The following LRRC4C variants were observed in gnomAD, a reference collection of about 807,000 sequenced individuals.
The protein encoded by LRRC4C is leucine rich repeat containing 4C.
In LRRC4C, 5 loss-of-function variants were observed where a neutral mutation model predicts 33.6. The ratio of observed to expected loss-of-function variants is 0.15; its 90% CI spans 0.08 to 0.31. The LOEUF is 0.31. Among genes scored for constraint, LRRC4C ranks in the 10% least tolerant of loss-of-function variants. The pLI, the probability that LRRC4C is intolerant of heterozygous loss-of-function variation, is 1.00. For synonymous variants in LRRC4C, 329 were observed against 302.0 expected (o/e 1.09, Z -0.93); for missense variants, 560 against 796.7 (o/e 0.70, Z 3.58).
intron 2 of LRRC4C, among the ~76,000 whole-genome samples, chr11:40,675,104 G>A (rs1186405081): frequency 6.6e-6 from 1 of 152,000 alleles, no homozygotes; most frequent in Non-Finnish European, 1.5e-5. Flanking sequence ...TGACAAGGTA[G>A]GTTTACTATA....
rs115088945 is a variant in LRRC4C at position 40,634,817 on chromosome 11, G to A, written c.-270+13325C>T. Among the ~76,000 whole-genome samples the A allele has an allele frequency of 9.3e-3, 1,417 of 152,074 alleles. 31 individuals are homozygous for A. The highest frequency in any genetic ancestry group is 0.033 in the African/African-American group (1,352 of 41,452). On this transcript the variant is annotated intron_variant, in intron 3 of 6. Transcript: ENST00000528697. ...GGCGGGGGGTGTTGTTTGAGTCCAG[G>A]GATTTGAAATTACAATAAGCTATGA...
At chr11:40,748,327 A>G (rs1418066657) in intron 2 of LRRC4C, among the ~76,000 whole-genome samples, 1 of 152,184 alleles carries the variant, frequency 6.6e-6, no homozygotes, top group African/African-American at 2.4e-5. Flanking sequence ...CTTCAGAAAT[A>G]AAGGAGAAAT....
At chr11:41,404,507 G>GACAC (rs147851356) in intron 1 of LRRC4C, among the ~76,000 whole-genome samples, 2 of 142,398 alleles carry the variant, frequency 1.4e-5, no homozygotes, top group Admixed American at 7.0e-5. Flanking sequence ...TATACACACA[G>GACAC]ACACACACAC....
At chr11:40,382,183 C>T (rs1050311590) in intron 3 of LRRC4C, among the ~76,000 whole-genome samples, 6 of 142,514 alleles carry the variant, frequency 4.2e-5, no homozygotes, top group African/African-American at 1.3e-4. Context: ...AGGGTTTCAC[C>T]GTGTTAACTA....
intron 1 of LRRC4C, among the ~76,000 whole-genome samples, chr11:41,112,539 A>G (rs1269155397): frequency 2.0e-5 from 3 of 152,060 alleles, no homozygotes; most frequent in African/African-American, 7.2e-5. Flanking sequence ...CTTTGAATCA[A>G]GGCAATGGGC....
intron 1 of LRRC4C, among the ~76,000 whole-genome samples, chr11:41,191,470 G>C (rs1321442783): frequency 6.6e-6 from 1 of 152,072 alleles, no homozygotes; most frequent in East Asian, 1.9e-4. Context: ...ATCTATGAAT[G>C]GTAGTGAAAA....
intron 5 of LRRC4C, among the ~76,000 whole-genome samples, chr11:40,197,742 T>C (rs1862380311): frequency 6.6e-6 from 1 of 152,196 alleles, no homozygotes; most frequent in South Asian, 2.1e-4. Context: ...TGCATTAGAC[T>C]ATGCTAGGAG....
intron 2 of LRRC4C, among the ~76,000 whole-genome samples, chr11:40,852,253 G>A (rs1301255388): frequency 1.3e-5 from 2 of 151,980 alleles, no homozygotes; most frequent in Non-Finnish European, 2.9e-5. Flanking sequence ...ACCCTGGTGA[G>A]TTGAAATTAT....
At chr11:40,387,747 G>T (rs772349522) in intron 3 of LRRC4C, among the ~76,000 whole-genome samples, 40 of 152,146 alleles carry the variant, frequency 2.6e-4, no homozygotes, top group Non-Finnish European at 5.0e-4. Context: ...CCAGGTTAAT[G>T]AATAAACTCT....
intron 3 of LRRC4C, among the ~76,000 whole-genome samples, chr11:40,324,987 C>A (rs1463666153): frequency 6.6e-6 from 1 of 152,108 alleles, no homozygotes; most frequent in Middle Eastern, 3.2e-3. Flanking sequence ...CAAAGATTAA[C>A]CCAGTGCTTA....
intron 2 of LRRC4C, among the ~76,000 whole-genome samples, chr11:40,906,442 C>T (rs1459175394): frequency 3.3e-5 from 5 of 150,462 alleles, no homozygotes; most frequent in Admixed American, 1.3e-4. Context: ...ATTTGGGAGG[C>T]GGAGGTTGCA....
chr11:40,628,517 C>A (rs1475227420), intron 3 of LRRC4C, among the ~76,000 whole-genome samples: 1 of 145,006 alleles, frequency 6.9e-6, no homozygotes, highest in Non-Finnish European at 1.5e-5. Context: ...AAACCTAATT[C>A]ATCATCTTTT....
chr11:41,364,009 T>C (rs1952446465), intron 1 of LRRC4C, among the ~76,000 whole-genome samples: 1 of 152,080 alleles, frequency 6.6e-6, no homozygotes, highest in Non-Finnish European at 1.5e-5. Flanking sequence ...ACTTCCACCT[T>C]GAAAATAAAA....
At chr11:40,752,293 C>A (rs544137839) in intron 2 of LRRC4C, among the ~76,000 whole-genome samples, 10 of 151,920 alleles carry the variant, frequency 6.6e-5, no homozygotes, top group African/African-American at 9.7e-5. Flanking sequence ...AGGAAACAAT[C>A]AACAGAGTAA....
At chr11:40,412,734 C>T (rs1950196973) in intron 3 of LRRC4C, among the ~76,000 whole-genome samples, 2 of 152,042 alleles carry the variant, frequency 1.3e-5, no homozygotes, top group African/African-American at 4.8e-5. Flanking sequence ...GCTATGAAGG[C>T]TCAAATTCTG....
intron 3 of LRRC4C, among the ~76,000 whole-genome samples, chr11:40,326,139 G>A (rs1946091654): frequency 6.6e-6 from 1 of 151,678 alleles, no homozygotes; most frequent in Non-Finnish European, 1.5e-5. Flanking sequence ...ACTATTGAAA[G>A]CATATTTGTC....
intron 1 of LRRC4C, among the ~76,000 whole-genome samples, chr11:41,087,531 A>G (rs1023387050): frequency 6.6e-6 from 1 of 152,048 alleles, no homozygotes; most frequent in Non-Finnish European, 1.5e-5. Flanking sequence ...ATTTTGCGAT[A>G]TTACCCAGGC....
intron 1 of LRRC4C, among the ~76,000 whole-genome samples, chr11:40,984,024 T>C (rs2137133325): frequency 6.6e-6 from 1 of 152,256 alleles, no homozygotes; most frequent in East Asian, 1.9e-4. Flanking sequence ...CAATGTATTC[T>C]CATAAAGATG....
chr11:40,491,799 T>C (rs1954173132), intron 3 of LRRC4C, among the ~76,000 whole-genome samples: 1 of 152,074 alleles, frequency 6.6e-6, no homozygotes, highest in Non-Finnish European at 1.5e-5. Flanking sequence ...ATATAGTATA[T>C]CCTCTCATGA....
Sources: gnomAD v4.1 joint callset for allele counts (sites outside exome capture counted in the v4.1 genomes callset) on GRCh38, gnomAD v4.1.1 for gene constraint, MANE v1.5 for transcripts, NCBI Gene and HGNC (gene_info 2026-07-23, HGNC 2026-07-21) for gene names.